The following NBEA variants were observed in gnomAD, a reference collection of about 807,000 sequenced individuals.
NBEA encodes the protein lysosomal-trafficking regulator 2.
Under a neutral mutation model 343.4 loss-of-function variants are expected in NBEA, and 44 were observed. The observed-to-expected ratio is 0.13, with a 90% CI of 0.10 to 0.16. NBEA has a LOEUF of 0.16. Among genes scored for constraint, NBEA ranks in the 10% least tolerant of loss-of-function variants. The pLI is 1.00. For missense variants in NBEA, 2,555 were observed against 3,631.3 expected, an observed-to-expected ratio of 0.70 and a Z score of 7.62; for synonymous variants, 1,175 against 1,238.7, an observed-to-expected ratio of 0.95 and a Z score of 1.08.
chr13:34,972,687 G>A (rs1363548157), intron 1 of NBEA, among the ~76,000 whole-genome samples: 2 of 152,174 alleles, frequency 1.3e-5, no homozygotes, highest in Non-Finnish European at 2.9e-5. Context: ...TGTGGTCTGA[G>A]AGACTGTTAT....
At chr13:35,180,974 A>G (rs1047317215) in intron 28 of NBEA, among the ~76,000 whole-genome samples, 2 of 151,826 alleles carry the variant, frequency 1.3e-5, no homozygotes, top group African/African-American at 4.8e-5. Context: ...CTCCAGTCCC[A>G]TCCAGGTTGC....
At chr13:35,574,294 T>TAAA (rs35056179) in intron 45 of NBEA, among the ~76,000 whole-genome samples, 3 of 135,094 alleles carry the variant, frequency 2.2e-5, no homozygotes, top group African/African-American at 2.8e-5. Flanking sequence ...GGATATTCTT[T>TAAA]AAAAAAAAAA....
At chr13:35,024,555 C>G (rs1391672869) in intron 1 of NBEA, among the ~76,000 whole-genome samples, 1 of 151,988 alleles carries the variant, frequency 6.6e-6, no homozygotes, top group African/African-American at 2.4e-5. Flanking sequence ...TGGTACACAC[C>G]TGTAGTCCCA....
chr13:35,525,548 C>G (rs2077930357), intron 41 of NBEA, among the ~76,000 whole-genome samples: 1 of 151,732 alleles, frequency 6.6e-6, no homozygotes, highest in African/African-American at 2.4e-5. Flanking sequence ...AGCAAGATTC[C>G]ATCTCAATAA....
At chr13:35,590,884 A>G (rs1297609812) in intron 46 of NBEA, among the ~76,000 whole-genome samples, 1 of 152,072 alleles carries the variant, frequency 6.6e-6, no homozygotes, top group Non-Finnish European at 1.5e-5. Flanking sequence ...CCATCTCCCA[A>G]CAATACCTTG....
chr13:35,237,643 A>G (rs1480095138), intron 34 of NBEA, among the ~76,000 whole-genome samples: 1 of 152,214 alleles, frequency 6.6e-6, no homozygotes, highest in Non-Finnish European at 1.5e-5. Context: ...AATTTACCAT[A>G]TAAATATGTG....
chr13:35,041,550 T>C (rs1265806925), intron 2 of NBEA, among the ~76,000 whole-genome samples: 1 of 152,042 alleles, frequency 6.6e-6, no homozygotes, highest in Non-Finnish European at 1.5e-5. Context: ...TCTAGTTCTG[T>C]GCCCCTCAAT....
intron 1 of NBEA, among the ~76,000 whole-genome samples, chr13:34,976,940 A>AT (rs58973015): frequency 0.2 from 26,156 of 129,622 alleles, 2,788 homozygotes; most frequent in East Asian, 0.45. Flanking sequence ...TTTTCTCTCT[A>AT]TTTTTTTTTT....
chr13:35,045,396 G>C lies in NBEA; in HGVS notation c.718G>C (p.Ala240Pro). 1 of 1,605,274 alleles carries C rather than the reference G, an allele frequency of 6.2e-7. No individual in the cohort carries two copies. Among genetic ancestry groups the C allele is most frequent in the Non-Finnish European group, 8.5e-7 (1 of 1,174,632 alleles). Reference sequence around the variant, plus strand: ...TTTTTTCAATTTCCCTGGTTGTAGCGCTGCGGTAAGTTTTAAATACATGTG... The same window carrying C: ...TTTTTTCAATTTCCCTGGTTGTAGCCCTGCGGTAAGTTTTAAATACATGTG... ...DTFFNFPGCS[A>P]AAIALPPIAK... The change falls in exon 4 of 59, where the codon GCT (alanine) becomes CCT (proline). Residue 240 changes from alanine to proline, a missense_variant. By Grantham distance (27) the Ala-to-Pro change is conservative. Coordinates refer to ENST00000379939, the MANE Select transcript of NBEA (RefSeq NM_001385012.1).
chr13:35,664,745 A>G (rs576003311), intron 55 of NBEA, among the ~76,000 whole-genome samples: 55 of 152,342 alleles, frequency 3.6e-4, no homozygotes, highest in African/African-American at 1.3e-3. Flanking sequence ...CATGACCATA[A>G]ATACATGATG....
At position 35,536,378 on chromosome 13, in the gene NBEA, T is replaced by C. The variant is rs571377963; in HGVS notation, c.6586-14099T>C. ...GGTAGACAAGGAGGAGAAGTTATTC[T>C]AGAACATAAAGTGTGGAAATGTTTG... is the stretch of plus-strand genomic sequence containing the variant. On this transcript the variant is annotated intron_variant, in intron 41 of 58. Coordinates refer to ENST00000379939, the MANE Select transcript of NBEA (RefSeq NM_001385012.1). Among the ~76,000 whole-genome samples the C allele has an allele frequency of 2.0e-5, 3 of 152,294 alleles. 1 individual carries two copies. The highest frequency in any genetic ancestry group is 7.2e-5 in the African/African-American group (3 of 41,564).
chr13:35,369,697 A>T (rs1458715431), intron 38 of NBEA, among the ~76,000 whole-genome samples: 6 of 151,738 alleles, frequency 4.0e-5, no homozygotes, highest in Non-Finnish European at 8.8e-5. Context: ...TTTTATGTTG[A>T]TTTTATAGCC....
intron 10 of NBEA, among the ~76,000 whole-genome samples, chr13:35,075,988 A>T (rs1180010486): frequency 6.6e-6 from 1 of 151,886 alleles, no homozygotes; most frequent in Non-Finnish European, 1.5e-5. Context: ...TCTTAATCCA[A>T]CTTAATCTGA....
chr13:35,267,412 C>A (rs2152802155), intron 34 of NBEA, among the ~76,000 whole-genome samples: 1 of 151,826 alleles, frequency 6.6e-6, no homozygotes, highest in Non-Finnish European at 1.5e-5. Flanking sequence ...CAAAAATACT[C>A]CAAGGAGAAA....
intron 46 of NBEA, among the ~76,000 whole-genome samples, chr13:35,586,114 CTGA>C (rs2081283401): frequency 1.3e-5 from 2 of 152,148 alleles, no homozygotes; most frequent in South Asian, 4.1e-4. Flanking sequence ...TTGTATGGGG[CTGA>C]TGTGTCCAAG....
At chr13:35,084,833 T>G (rs1402870694) in intron 10 of NBEA, among the ~76,000 whole-genome samples, 5 of 151,868 alleles carry the variant, frequency 3.3e-5, no homozygotes, top group African/African-American at 1.2e-4. Flanking sequence ...GATAGACCGC[T>G]AGCAAGACTA....
intron 1 of NBEA, among the ~76,000 whole-genome samples, chr13:35,033,960 T>C (rs1351285988): frequency 6.6e-6 from 1 of 151,868 alleles, no homozygotes; most frequent in African/African-American, 2.4e-5. Flanking sequence ...CAAGGATAAT[T>C]TGACTTCTTC....
At chr13:35,105,312 C>T (rs983830765) in intron 11 of NBEA, among the ~76,000 whole-genome samples, 4 of 152,048 alleles carry the variant, frequency 2.6e-5, no homozygotes, top group African/African-American at 7.2e-5. Flanking sequence ...AAAAATAGGA[C>T]AGGGAAGGTT....
intron 36 of NBEA, among the ~76,000 whole-genome samples, chr13:35,337,992 G>A (rs1266294585): frequency 6.6e-6 from 1 of 151,842 alleles, no homozygotes; most frequent in Non-Finnish European, 1.5e-5. Context: ...ATGACTATAA[G>A]TAACTACTTT....
Sources: gnomAD v4.1 joint callset for allele counts (sites outside exome capture counted in the v4.1 genomes callset) on GRCh38, gnomAD v4.1.1 for gene constraint, MANE v1.5 for transcripts, NCBI Gene and HGNC (gene_info 2026-07-23, HGNC 2026-07-21) for gene names.